EFCAB11: variants seen among roughly 807,000 people sequenced by gnomAD.
EFCAB11 encodes EF-hand calcium-binding domain-containing protein 11.
A neutral mutation model predicts 23.0 loss-of-function variants in EFCAB11; 14 were observed. The observed-to-expected ratio is 0.61, with a 90% CI of 0.40 to 0.95. The LOEUF (loss-of-function observed/expected upper bound fraction) is 0.95, where lower values mean the gene tolerates loss of function less well. Among genes scored for constraint, EFCAB11 ranks in the 40% least tolerant of loss-of-function variants. EFCAB11 has a pLI of 0.00. For synonymous variants in EFCAB11, 65 were observed against 66.6 expected (o/e 0.98, Z 0.11); for missense variants, 198 against 195.8 (o/e 1.01, Z -0.07).
At chr14:89,940,396 T>A (rs1032149809) in intron 3 of EFCAB11, among the ~76,000 whole-genome samples, 2 of 152,168 alleles carry the variant, frequency 1.3e-5, no homozygotes, top group Admixed American at 1.3e-4. Flanking sequence ...AAAAAGGATA[T>A]TTAAATTTAG....
chr14:89,917,956 G>A (rs1386851868), intron 5 of EFCAB11, among the ~76,000 whole-genome samples: 4 of 152,164 alleles, frequency 2.6e-5, no homozygotes, highest in African/African-American at 9.7e-5. Flanking sequence ...GAAAGCTGGG[G>A]AAGAGCGAGA....
intron 5 of EFCAB11, chr14:89,892,261 C>G: frequency 6.2e-7 from 1 of 1,613,314 alleles, no homozygotes; most frequent in Non-Finnish European, 8.5e-7. Context: ...TCGTGGAGAC[C>G]TCTGTTAAAA....
intron 5 of EFCAB11, among the ~76,000 whole-genome samples, chr14:89,881,575 G>A (rs1322189637): frequency 6.7e-6 from 1 of 149,508 alleles, no homozygotes; most frequent in African/African-American, 2.5e-5. Flanking sequence ...AGCCTCCTGA[G>A]TGGCTGGGAT....
chr14:89,798,866 G>A (rs1596369913), intron 5 of EFCAB11, among the ~76,000 whole-genome samples: 1 of 152,058 alleles, frequency 6.6e-6, no homozygotes, highest in Non-Finnish European at 1.5e-5. Flanking sequence ...GGCTCACTGC[G>A]ACCTCCGCCT....
At chr14:89,879,062 C>T (rs76036639) in intron 5 of EFCAB11, among the ~76,000 whole-genome samples, 7,999 of 151,988 alleles carry the variant, frequency 0.053, 348 homozygotes, top group African/African-American at 0.11. Flanking sequence ...GAGACATGAT[C>T]CCCCCATCTC....
chr14:89,831,796 G>A (rs576867889), intron 5 of EFCAB11, among the ~76,000 whole-genome samples: 1 of 152,304 alleles, frequency 6.6e-6, no homozygotes, highest in East Asian at 1.9e-4. Flanking sequence ...AAAAGTGTTT[G>A]AAATGATGCT....
chr14:89,929,583 G>T (rs983286852), intron 5 of EFCAB11, among the ~76,000 whole-genome samples: 4 of 151,880 alleles, frequency 2.6e-5, no homozygotes, highest in Admixed American at 6.6e-5. Flanking sequence ...ATGGGGTTTC[G>T]CCATGTTGGC....
At chr14:89,890,536 G>C (rs944727486) in intron 5 of EFCAB11, among the ~76,000 whole-genome samples, 1 of 152,146 alleles carries the variant, frequency 6.6e-6, no homozygotes, top group Non-Finnish European at 1.5e-5. Context: ...GAATTTAGAA[G>C]GAAAAGTTTG....
At chr14:89,905,417 C>T (rs1889466212) in intron 5 of EFCAB11, among the ~76,000 whole-genome samples, 1 of 152,078 alleles carries the variant, frequency 6.6e-6, no homozygotes, top group South Asian at 2.1e-4. Flanking sequence ...TACAGCAATG[C>T]TAGTCAGGTG....
intron 5 of EFCAB11, among the ~76,000 whole-genome samples, chr14:89,911,364 C>T (rs1007189755): frequency 6.6e-5 from 10 of 152,108 alleles, no homozygotes; most frequent in African/African-American, 2.2e-4. Context: ...CAGGCACTGC[C>T]GAGTGACAAG....
intron 5 of EFCAB11, among the ~76,000 whole-genome samples, chr14:89,865,116 G>A (rs552587773): frequency 1.3e-5 from 2 of 152,188 alleles, no homozygotes; most frequent in African/African-American, 2.4e-5. Context: ...TGCATCCTTG[G>A]TGGGAGTCAG....
chr14:89,921,721 C>T (rs997975316), intron 5 of EFCAB11, among the ~76,000 whole-genome samples: 4 of 152,054 alleles, frequency 2.6e-5, no homozygotes, highest in East Asian at 3.9e-4. Flanking sequence ...TTGCTGTCAT[C>T]GATAAAAATG....
At chr14:89,853,793 T>C (rs967588060) in intron 5 of EFCAB11, among the ~76,000 whole-genome samples, 6 of 152,150 alleles carry the variant, frequency 3.9e-5, no homozygotes, top group Admixed American at 3.3e-4. Context: ...AGAATGTAGG[T>C]AGTACAATCT....
chr14:89,924,527 G>A (rs1221280106), intron 5 of EFCAB11: 2 of 1,472,866 alleles, frequency 1.4e-6, no homozygotes, highest in East Asian at 2.5e-5. Flanking sequence ...AGATGGAGAA[G>A]GTTCCTAGGC....
chr14:89,915,177 C>T (rs1200209900), intron 5 of EFCAB11, among the ~76,000 whole-genome samples: 1 of 152,156 alleles, frequency 6.6e-6, no homozygotes, highest in Non-Finnish European at 1.5e-5. Context: ...ACACTAAAGG[C>T]TATTTCCAGG....
chr14:89,888,657 G>C (rs945250066), intron 5 of EFCAB11, among the ~76,000 whole-genome samples: 3 of 152,184 alleles, frequency 2.0e-5, no homozygotes, highest in African/African-American at 7.2e-5. Flanking sequence ...AGTTCAACAT[G>C]AGATTTGGGT....
intron 5 of EFCAB11, among the ~76,000 whole-genome samples, chr14:89,835,552 G>A (rs1887045320): frequency 6.8e-6 from 1 of 147,564 alleles, no homozygotes; most frequent in Non-Finnish European, 1.5e-5. Context: ...TCAGATTTTG[G>A]AGCATTTTGG....
rs188140445 is a variant in EFCAB11, at chr14:89,828,560, G to A, written c.411-31236C>T. Among the ~76,000 whole-genome samples, 21 of 152,218 alleles carry A rather than the reference G, an allele frequency of 1.4e-4. No homozygotes were observed. In the East Asian group the frequency reaches 3.3e-3, roughly 24 times the overall value. ...CTGAGTTCAGTTTAAAGCTGTAATCGATGTTGACATGCTAAAAACATAGTG... is the reference window on the plus strand; with the variant it reads ...CTGAGTTCAGTTTAAAGCTGTAATCAATGTTGACATGCTAAAAACATAGTG... On this transcript the variant is annotated intron_variant, in intron 5 of 5. Transcript: ENST00000316738.
chr14:89,887,728 C>T (rs188667763), intron 5 of EFCAB11, among the ~76,000 whole-genome samples: 1 of 152,086 alleles, frequency 6.6e-6, no homozygotes, highest in East Asian at 1.9e-4. Context: ...TTCCTGGGAA[C>T]AGGTGTTATG....
Sources: allele counts gnomAD v4.1 joint callset (sites outside exome capture counted in the v4.1 genomes callset), GRCh38; gene constraint gnomAD v4.1.1; transcripts MANE v1.5; gene names NCBI Gene and HGNC (gene_info 2026-07-23, HGNC 2026-07-21).